The following PCMTD1 variants were observed in gnomAD, a reference collection of about 807,000 sequenced individuals.
The protein encoded by PCMTD1 is protein-L-isoaspartate O-methyltransferase domain-containing protein 1.
A neutral mutation model predicts 37.6 loss-of-function variants in PCMTD1; 12 were observed. That is an observed-to-expected ratio of 0.32 (90% CI 0.20 to 0.52). The LOEUF is 0.52. Among genes scored for constraint, PCMTD1 ranks in the 20% least tolerant of loss-of-function variants. The pLI is 0.97. For synonymous variants in PCMTD1, 117 were observed against 135.8 expected, an observed-to-expected ratio of 0.86 and a Z score of 0.96; for missense variants, 235 against 421.3, an observed-to-expected ratio of 0.56 and a Z score of 3.87.
At chr8:51,833,044 C>T (rs553838944) in intron 4 of PCMTD1, among the ~76,000 whole-genome samples, 2 of 152,150 alleles carry the variant, frequency 1.3e-5, no homozygotes, top group Admixed American at 1.3e-4. Flanking sequence ...GGGGTTTCGC[C>T]ATGTTGCCCA....
chr8:51,820,790 T>C (rs1364015491), intron 5 of PCMTD1, 72 bp from the exon 6 acceptor site: 6 of 1,257,560 alleles, frequency 4.8e-6, no homozygotes, highest in South Asian at 1.6e-5. Flanking sequence ...ATTTTTTTCA[T>C]AGAACAAAAT....
Position 51,875,954 on chromosome 8 carries a change from G to C in PCMTD1, c.-95-14708C>G, listed in dbSNP as rs775159645. ...CAAAAATGTGTTTGTGTGTGTGTGT[G>C]TGTGTGTCTGTGTGTGTGTGTGTGC... On this transcript the variant is annotated intron_variant, in intron 1 of 5. Coordinates refer to ENST00000522514, the MANE Select transcript of PCMTD1 (RefSeq NM_052937.4). Among the ~76,000 whole-genome samples, 443 of 149,654 alleles carry C rather than the reference G, an allele frequency of 3.0e-3. 5 individuals are homozygous for C. The highest frequency in any genetic ancestry group is 0.014 in the East Asian group (69 of 4,934).
At chr8:51,880,569 C>T (rs1243640312) in intron 1 of PCMTD1, among the ~76,000 whole-genome samples, 2 of 152,160 alleles carry the variant, frequency 1.3e-5, no homozygotes, top group Non-Finnish European at 1.5e-5. Flanking sequence ...GCATCCTCAA[C>T]GTACATGAAC....
chr8:51,849,974 A>C, intron 2 of PCMTD1: 1 of 676,098 alleles, frequency 1.5e-6, no homozygotes. Flanking sequence ...TTTTGTGTAA[A>C]GCTAACTTAC....
At chr8:51,851,655 ATTC>A (rs1326531031) in intron 2 of PCMTD1, among the ~76,000 whole-genome samples, 1 of 121,622 alleles carries the variant, frequency 8.2e-6, no homozygotes, top group African/African-American at 2.5e-5. Context: ...TTTGACTCAA[ATTC>A]TTTTTTTTTT....
intron 1 of PCMTD1, among the ~76,000 whole-genome samples, chr8:51,866,127 A>T (rs2129288442): frequency 6.6e-6 from 1 of 152,098 alleles, no homozygotes; most frequent in South Asian, 2.1e-4. Context: ...TTTGTATACT[A>T]AACACTATTA....
intron 2 of PCMTD1, among the ~76,000 whole-genome samples, chr8:51,857,659 T>C (rs2038411260): frequency 1.3e-5 from 2 of 152,150 alleles, no homozygotes; most frequent in South Asian, 4.1e-4. Flanking sequence ...AAACCCTTAG[T>C]TCAGGGAAAA....
intron 1 of PCMTD1, among the ~76,000 whole-genome samples, chr8:51,895,011 G>A (rs1355717450): frequency 6.6e-6 from 1 of 152,164 alleles, no homozygotes; most frequent in Non-Finnish European, 1.5e-5. Context: ...TCTGAAGCTT[G>A]GGAATGAAAA....
chr8:51,848,500 T>C (rs1007781137), intron 2 of PCMTD1, among the ~76,000 whole-genome samples: 2 of 152,214 alleles, frequency 1.3e-5, no homozygotes, highest in Admixed American at 6.5e-5. Flanking sequence ...CAAACTGCAT[T>C]ATTAACAGAA....
At chr8:51,885,691 T>C (rs1019878301) in intron 1 of PCMTD1, among the ~76,000 whole-genome samples, 2 of 152,166 alleles carry the variant, frequency 1.3e-5, no homozygotes, top group Non-Finnish European at 2.9e-5. Context: ...AGAAAAACAA[T>C]TTTACAATAA....
chr8:51,876,023 C>A (rs983918676), intron 1 of PCMTD1, among the ~76,000 whole-genome samples: 3 of 152,164 alleles, frequency 2.0e-5, no homozygotes, highest in African/African-American at 7.2e-5. Context: ...TATATCATTA[C>A]TGATGTAATA....
At chr8:51,845,113 T>C (rs2038199571) in intron 3 of PCMTD1, 1 of 152,360 alleles carries the variant, frequency 6.6e-6, no homozygotes, top group African/African-American at 2.4e-5. Context: ...CCAAAGCCCG[T>C]GCAATGTTTC....
chr8:51,871,311 T>C (rs888582787), intron 1 of PCMTD1, among the ~76,000 whole-genome samples: 13 of 152,298 alleles, frequency 8.5e-5, no homozygotes, highest in Admixed American at 2.6e-4. Flanking sequence ...ATAAGATGAC[T>C]GCAAGAGAGA....
intron 1 of PCMTD1, among the ~76,000 whole-genome samples, chr8:51,874,609 T>C (rs903793444): frequency 2.0e-5 from 1 of 48,858 alleles, no homozygotes; most frequent in Non-Finnish European, 4.3e-5. Context: ...AAACTGTAAA[T>C]AGCAGCCAAA....
intron 1 of PCMTD1, among the ~76,000 whole-genome samples, chr8:51,888,106 A>G (rs2038890190): frequency 6.6e-6 from 1 of 152,188 alleles, no homozygotes; most frequent in African/African-American, 2.4e-5. Flanking sequence ...ATAAACTTCA[A>G]GTTTAAAACT....
intron 4 of PCMTD1, among the ~76,000 whole-genome samples, chr8:51,833,083 G>A (rs577632582): frequency 6.6e-6 from 1 of 152,188 alleles, no homozygotes; most frequent in African/African-American, 2.4e-5. Flanking sequence ...GGGCTCAAGC[G>A]ATCTGCCTGC....
At chr8:51,871,605 C>G (rs1011679817) in intron 1 of PCMTD1, among the ~76,000 whole-genome samples, 1 of 152,106 alleles carries the variant, frequency 6.6e-6, no homozygotes, top group African/African-American at 2.4e-5. Flanking sequence ...TTTGGTTCCA[C>G]CTATCTTTTC....
chr8:51,879,073 C>T (rs2038755580), intron 1 of PCMTD1, among the ~76,000 whole-genome samples: 1 of 151,986 alleles, frequency 6.6e-6, no homozygotes, highest in Non-Finnish European at 1.5e-5. Context: ...CTGCAGTGGG[C>T]CGTAGTCATG....
chr8:51,895,190 G>A (rs1414586967), intron 1 of PCMTD1, among the ~76,000 whole-genome samples: 1 of 152,190 alleles, frequency 6.6e-6, no homozygotes, highest in Admixed American at 6.5e-5. Context: ...ACTTCAGGAA[G>A]TGAGAGAGAA....
Sources: allele counts gnomAD v4.1 joint callset (sites outside exome capture counted in the v4.1 genomes callset), GRCh38; gene constraint gnomAD v4.1.1; transcripts MANE v1.5; gene names NCBI Gene and HGNC (gene_info 2026-07-23, HGNC 2026-07-21).